The following COL4A5 variants were observed in gnomAD, a reference collection of about 807,000 sequenced individuals.
COL4A5 encodes collagen type IV alpha 5 chain, also known as collagen alpha-5(IV) chain.
In COL4A5, 26 loss-of-function variants were observed where a neutral mutation model predicts 130.2. That is an observed-to-expected ratio of 0.20 (90% CI 0.15 to 0.28). COL4A5 has a LOEUF of 0.28. COL4A5 is among the 10% of genes least tolerant of loss of function. COL4A5 has a pLI of 1.00. For synonymous variants in COL4A5, 496 were observed against 439.6 expected (o/e 1.13, Z -1.60); for missense variants, 1,131 against 1,344.3 (o/e 0.84, Z 2.48).
chrX:108,598,101 G>C (rs1196158468), intron 24 of COL4A5, among the ~76,000 whole-genome samples: 1 of 111,010 alleles, frequency 9.0e-6, no homozygotes, highest in African/African-American at 3.3e-5. Flanking sequence ...TGAGGCAGGA[G>C]AATCACTTGA....
chrX:108,443,313 A>G (rs779146942), intron 1 of COL4A5, among the ~76,000 whole-genome samples: 74 of 112,233 alleles, frequency 6.6e-4, no homozygotes, highest in African/African-American at 2.3e-3. Flanking sequence ...CAATATGTAA[A>G]CATTTCAACT....
At chrX:108,675,339 T>C (rs1305356654) in intron 43 of COL4A5, among the ~76,000 whole-genome samples, 1 of 111,804 alleles carries the variant, frequency 8.9e-6, no homozygotes, top group African/African-American at 3.2e-5. Context: ...AGTGTTCTGA[T>C]AACTTTTAAA....
chrX:108,625,024 ATC>A (rs1301237499), intron 34 of COL4A5, among the ~76,000 whole-genome samples: 1 of 111,353 alleles, frequency 9.0e-6, no homozygotes, highest in African/African-American at 3.3e-5. Context: ...CTCCCTTCCT[ATC>A]TCTCCCTCAC....
rs1169615128 is a variant in COL4A5, at chrX:108,598,811, C to T, written c.1889C>T (p.Pro630Leu). The change falls in exon 25 of 53, where the codon CCA (proline) becomes CTA (leucine). Residue 630 changes from proline to leucine, a missense_variant. Pro to Leu is a moderately conservative substitution (Grantham distance 98). Transcript: ENST00000328300. ...CCCCCTGGTTTCGGCCCTCCAGGCC[C>T]AGTAGGTGAAAAAGGCATACAAGGT... ...MGPPGFGPPG[P>L]VGEKGIQGVA... is the part of the protein sequence containing the mutation. 3.3e-6 allele frequency: 4 copies of T among 1,209,863 alleles called. No individual in the cohort carries two copies. The highest frequency in any genetic ancestry group is 4.5e-6 in the Non-Finnish European group (4 of 895,033).
At chrX:108,661,206 A>G (rs1169002986) in intron 37 of COL4A5, among the ~76,000 whole-genome samples, 2 of 111,985 alleles carry the variant, frequency 1.8e-5, no homozygotes, top group African/African-American at 3.2e-5. Flanking sequence ...TAAGTGACAC[A>G]TAACTGTATT....
intron 24 of COL4A5, 82 bp from the exon 25 acceptor site, chrX:108,598,620 C>T: frequency 1.1e-6 from 1 of 902,763 alleles, no homozygotes; most frequent in Non-Finnish European, 1.6e-6. Context: ...ATGGCTATAT[C>T]CTTTCCCCAG....
intron 33 of COL4A5, 66 bp from the exon 34 acceptor site, chrX:108,624,170 T>A: frequency 1.1e-6 from 1 of 941,372 alleles, no homozygotes; most frequent in East Asian, 3.1e-5. Context: ...GTAGCTTGCT[T>A]TGCCAAAGTT....
chrX:108,526,595 C>CCCTTCTTT (rs1327241159), intron 1 of COL4A5, among the ~76,000 whole-genome samples: 142 of 33,291 alleles, frequency 4.3e-3, no homozygotes, highest in South Asian at 8.4e-3. Context: ...CTCCCTCCCT[C>CCCTTCTTT]CTTTCTTTCT....
intron 1 of COL4A5, among the ~76,000 whole-genome samples, chrX:108,479,638 A>G (rs1163579617): frequency 1.8e-5 from 2 of 111,634 alleles, no homozygotes; most frequent in Non-Finnish European, 3.8e-5. Context: ...AGGAGTGAAG[A>G]CCATGGTCAT....
intron 36 of COL4A5, 125 bp downstream of exon 36, chrX:108,626,474 T>G (rs1212571078): frequency 5.2e-6 from 6 of 1,163,587 alleles, no homozygotes; most frequent in Non-Finnish European, 6.9e-6. Flanking sequence ...GGATAAGAGA[T>G]TTATTCCTTT....
Position 108,647,118 on chromosome X carries a change from A to C in COL4A5, c.3247-8213A>C, listed in dbSNP as rs2067610418. Reference sequence around the variant, plus strand: ...AGTAGTTTTTTCCCATTCTGTGAAGAAAGTCATTGGTAGCTTGATGGGGAT... The same window carrying C: ...AGTAGTTTTTTCCCATTCTGTGAAGCAAGTCATTGGTAGCTTGATGGGGAT... On this transcript the variant is annotated intron_variant, in intron 36 of 52. Transcript: ENST00000328300. 3.6e-5 allele frequency among the ~76,000 whole-genome samples: 4 copies of C among 110,669 alleles called. No homozygotes were observed. In the South Asian group the frequency reaches 1.5e-3, roughly 42 times the overall value.
intron 1 of COL4A5, among the ~76,000 whole-genome samples, chrX:108,511,603 T>G (rs866726096): frequency 9.0e-6 from 1 of 111,608 alleles, no homozygotes; most frequent in South Asian, 3.7e-4. Context: ...GGTGCTGACA[T>G]AAGGATAGAC....
intron 13 of COL4A5, among the ~76,000 whole-genome samples, chrX:108,579,122 C>T (rs1437189376): frequency 9.0e-6 from 1 of 111,585 alleles, no homozygotes; most frequent in Non-Finnish European, 1.9e-5. Context: ...TTAGAAAATT[C>T]TGAGGCTTCC....
chrX:108,681,008 A>G, intron 46 of COL4A5, 52 bp downstream of exon 46: 1 of 1,077,599 alleles, frequency 9.3e-7, no homozygotes, highest in Non-Finnish European at 1.3e-6. Flanking sequence ...TGCTTTAAAG[A>G]ATTTGAAAGT....
At chrX:108,656,563 C>T (rs747434816) in intron 37 of COL4A5, among the ~76,000 whole-genome samples, 1 of 111,753 alleles carries the variant, frequency 8.9e-6, no homozygotes, top group Non-Finnish European at 1.9e-5. Flanking sequence ...GTACATTGAA[C>T]TTTAGTAGAT....
At chrX:108,532,202 A>T (rs182274680) in intron 1 of COL4A5, among the ~76,000 whole-genome samples, 129 of 111,770 alleles carry the variant, frequency 1.2e-3, no homozygotes, top group Non-Finnish European at 2.0e-3. Context: ...AATACTAGCA[A>T]ATCCAATTCA....
chrX:108,445,781 A>G (rs1016097192), intron 1 of COL4A5, among the ~76,000 whole-genome samples: 1 of 111,996 alleles, frequency 8.9e-6, no homozygotes, highest in Non-Finnish European at 1.9e-5. Context: ...TTATATGGTA[A>G]CAAAAGTAAC....
chrX:108,473,478 C>T (rs781015427), intron 1 of COL4A5, among the ~76,000 whole-genome samples: 17 of 105,833 alleles, frequency 1.6e-4, no homozygotes, highest in African/African-American at 3.1e-4. Flanking sequence ...ACCCTGTGTA[C>T]GCCTAGACTA....
At chrX:108,615,355 C>T (rs931966200) in intron 30 of COL4A5, among the ~76,000 whole-genome samples, 16 of 111,592 alleles carry the variant, frequency 1.4e-4, no homozygotes, top group Middle Eastern at 4.2e-3. Flanking sequence ...ATCTGAGTAG[C>T]GGTACAGCAT....
Sources: gnomAD v4.1 joint callset for allele counts (sites outside exome capture counted in the v4.1 genomes callset) on GRCh38, gnomAD v4.1.1 for gene constraint, MANE v1.5 for transcripts, NCBI Gene and HGNC (gene_info 2026-07-23, HGNC 2026-07-21) for gene names.